The following PARVB variants were observed in gnomAD, a reference collection of about 807,000 sequenced individuals.
PARVB encodes the protein beta-parvin.
Under a neutral mutation model 47.0 loss-of-function variants are expected in PARVB, and 46 were observed. The observed-to-expected ratio is 0.98, with a 90% CI of 0.77 to 1.25. The LOEUF (loss-of-function observed/expected upper bound fraction) is 1.25. Among genes scored for constraint, PARVB ranks in the 50% most tolerant of loss-of-function variants. The probability of loss-of-function intolerance (pLI) is 0.00; values close to 1 mark genes in which losing one functional copy is unlikely to be tolerated. For missense variants in PARVB, 473 were observed against 471.6 expected, an observed-to-expected ratio of 1.00 and a Z score of -0.03; for synonymous variants, 196 against 196.3, an observed-to-expected ratio of 1.00 and a Z score of 0.01.
chr22:44,161,323 T>TTTC (rs1350323369), intron 11 of PARVB, among the ~76,000 whole-genome samples: 1 of 150,544 alleles, frequency 6.6e-6, no homozygotes, highest in Admixed American at 6.6e-5. Flanking sequence ...TTTTTTTTTT[T>TTTC]TGGAGGCGGG....
intron 10 of PARVB, among the ~76,000 whole-genome samples, chr22:44,157,750 G>A (rs1004696044): frequency 5.9e-5 from 9 of 151,950 alleles, no homozygotes; most frequent in Non-Finnish European, 1.0e-4. Context: ...ATGGTGGTGC[G>A]TGCCTGTAGT....
Position 44,168,551 on chromosome 22 carries a change from C to T in PARVB, c.1019-51C>T. 3.3e-6 allele frequency: 4 copies of T among 1,218,420 alleles called. No homozygotes were observed. In the South Asian group the frequency reaches 4.8e-5, roughly 15 times the overall value. 75.5% of individuals were successfully genotyped at this position (1,218,420 alleles called of 1,614,324 possible). A position where few individuals can be genotyped will look rare whatever the true frequency, so the allele number is the denominator to read the frequency against. ...ACGTGGCTTCTGAGAGTACCTACCG[C>T]AATGACAGGAGGATGGCACGCCTCT... On this transcript the variant is annotated intron_variant, in intron 12 of 12. Coordinates refer to ENST00000338758, the MANE Select transcript of PARVB (RefSeq NM_013327.5).
intron 1 of PARVB, among the ~76,000 whole-genome samples, chr22:44,041,288 T>A (rs1371393673): frequency 6.6e-6 from 1 of 151,980 alleles, no homozygotes; most frequent in Non-Finnish European, 1.5e-5. Context: ...GGTCAGGAGT[T>A]CGAGACCAGT....
intron 8 of PARVB, chr22:44,141,899 T>A (rs1160482868): frequency 1.3e-5 from 2 of 152,308 alleles, no homozygotes; most frequent in East Asian, 3.9e-4. Context: ...ACATCCTGTA[T>A]ATAGTTGCTG....
chr22:44,073,108 T>C (rs1961112353), intron 1 of PARVB, among the ~76,000 whole-genome samples: 1 of 152,176 alleles, frequency 6.6e-6, no homozygotes. Flanking sequence ...AATGAGTGAA[T>C]GAACAAATGC....
chr22:44,114,227 C>G (rs1457066852), intron 3 of PARVB: 4 of 79,892 alleles, frequency 5.0e-5, no homozygotes, highest in Non-Finnish European at 2.5e-5. Context: ...CTAAGTAAGG[C>G]CCTGCACCAA....
At chr22:44,020,819 C>T (rs1025842181), upstream of PARVB, among the ~76,000 whole-genome samples, 2 of 151,416 alleles carry the variant, frequency 1.3e-5, no homozygotes, top group Admixed American at 6.6e-5. Context: ...CTCACTCTGT[C>T]GACCAGGCTG....
At chr22:44,058,981 G>C (rs1032512276) in intron 1 of PARVB, among the ~76,000 whole-genome samples, 1 of 70,682 alleles carries the variant, frequency 1.4e-5, no homozygotes, top group East Asian at 2.0e-4. Context: ...AGGGTGTGAT[G>C]GGGGGGGGAA....
chr22:44,103,482 G>A lies in PARVB; in HGVS notation c.273+3359G>A, dbSNP rs1384386264. ...CCCCCAAACCCCTGCCAAAGAAAAG[G>A]CATCAGCAGTGAGCTTTGTCCTGGC... On this transcript the variant is annotated intron_variant, in intron 3 of 12. Coordinates refer to ENST00000338758, the MANE Select transcript of PARVB (RefSeq NM_013327.5). This position sits in a 1 kb window ranked among gnomAD's most constrained non-coding sequence, Gnocchi z 4.6. The A allele has an allele frequency of 2.0e-5, 3 of 152,200 alleles. No homozygotes were observed. The highest frequency in any genetic ancestry group is 2.1e-4 in the South Asian group (1 of 4,832). The allele number at this position is 152,200 out of a possible 1,614,324, so 9.4% of individuals were successfully genotyped here.
chr22:44,034,688 T>C (rs2050888836), intron 1 of PARVB, among the ~76,000 whole-genome samples: 1 of 147,134 alleles, frequency 6.8e-6, no homozygotes, highest in Non-Finnish European at 1.5e-5. Flanking sequence ...CCCCATGCAG[T>C]CAGAAATCCA....
At chr22:44,105,833 TG>T (rs2052554080) in intron 3 of PARVB, 1 of 152,316 alleles carries the variant, frequency 6.6e-6, no homozygotes, top group Non-Finnish European at 1.5e-5. Context: ...TTTGTGTTGT[TG>T]TTTTGAGATA....
chr22:44,168,557 C>A (rs1175972676), intron 12 of PARVB, 45 bp from the exon 13 acceptor site: 2 of 1,319,368 alleles, frequency 1.5e-6, no homozygotes, highest in African/African-American at 1.4e-5. Context: ...ACCGCAATGA[C>A]AGGAGGATGG....
chr22:44,114,464 A>T (rs1204492784), intron 3 of PARVB: 1 of 82,502 alleles, frequency 1.2e-5, no homozygotes, highest in African/African-American at 5.6e-5. Context: ...ACACAGATAC[A>T]TTGTTACTAA....
chr22:44,090,471 G>C (rs545358099), intron 1 of PARVB, among the ~76,000 whole-genome samples: 122 of 152,334 alleles, frequency 8.0e-4, no homozygotes, highest in South Asian at 2.1e-3. Context: ...GATGTTCAAG[G>C]GCGGTGTGGA....
chr22:44,122,548 G>C lies in PARVB; in HGVS notation c.376+3408G>C, dbSNP rs1569134490. On this transcript the variant is annotated intron_variant, in intron 4 of 12. Coordinates refer to ENST00000338758, the MANE Select transcript of PARVB (RefSeq NM_013327.5). The stretch of plus-strand genomic sequence containing the variant: ...AGAGACAGAGAGAGAGAGAGAGAGA[G>C]AGAGACACAGAGACAGAGAGAGAGA... Among the ~76,000 whole-genome samples, 395 of 92,056 alleles carry C rather than the reference G, an allele frequency of 4.3e-3. 50 individuals are homozygous for C. Among genetic ancestry groups the C allele is most frequent in the African/African-American group, 0.02 (378 of 19,128 alleles). 60.4% of individuals were successfully genotyped at this position (92,056 alleles called of 152,430 possible).
At chr22:44,100,247 G>A (rs1217007962) in intron 3 of PARVB, 124 bp downstream of exon 3, 12 of 753,194 alleles carry the variant, frequency 1.6e-5, no homozygotes, top group Non-Finnish European at 2.8e-5. Flanking sequence ...GGTGCTGCAT[G>A]AGAAGGTGGG....
At chr22:44,022,585 CT>C (rs1197303384), upstream of PARVB, among the ~76,000 whole-genome samples, 2 of 152,046 alleles carry the variant, frequency 1.3e-5, no homozygotes, top group Non-Finnish European at 2.9e-5. Flanking sequence ...ACTGGGGGGA[CT>C]GGGGGGCAGC....
intron 1 of PARVB, among the ~76,000 whole-genome samples, chr22:44,093,576 C>T (rs2052225644): frequency 6.6e-6 from 1 of 152,228 alleles, no homozygotes; most frequent in Non-Finnish European, 1.5e-5. Context: ...TCTCATGCCC[C>T]ATCGCTGTGG....
intron 1 of PARVB, among the ~76,000 whole-genome samples, chr22:44,066,792 C>CCTCCTT (rs1569087915): frequency 1.9e-4 from 27 of 141,354 alleles, no homozygotes; most frequent in African/African-American, 6.5e-4. Context: ...TCCTCCTCCT[C>CCTCCTT]CTCCTCCTCC....
Sources: allele counts gnomAD v4.1 joint callset (sites outside exome capture counted in the v4.1 genomes callset), GRCh38; gene constraint gnomAD v4.1.1; non-coding constraint Gnocchi (gnomAD v3.1); transcripts MANE v1.5; gene names NCBI Gene and HGNC (gene_info 2026-07-23, HGNC 2026-07-21).